TAMM41: variants seen among roughly 807,000 people sequenced by gnomAD.
The protein encoded by TAMM41 is TAM41 mitochondrial translocator assembly and maintenance homolog.
A neutral mutation model predicts 44.1 loss-of-function variants in TAMM41; 36 were observed. The ratio of observed to expected loss-of-function variants is 0.82; its 90% confidence interval spans 0.63 to 1.08. The LOEUF is 1.08. Among genes scored for constraint, TAMM41 ranks in the 50% least tolerant of loss-of-function variants. TAMM41 has a pLI of 0.00. For missense variants in TAMM41, 417 were observed against 404.3 expected, an observed-to-expected ratio of 1.03 and a Z score of -0.27; for synonymous variants, 164 against 153.1, an observed-to-expected ratio of 1.07 and a Z score of -0.53.
At chr3:11,747,483 CA>C in the TAMM41 span, among the ~76,000 whole-genome samples, 10 of 152,218 alleles carry the variant, frequency 6.6e-5, no homozygotes, top group African/African-American at 2.4e-4. Context: ...AATTATACTT[CA>C]AAGATGGGGC....
In TAMM41 at chr3:11,846,689, C is replaced by A. The variant is rs895313297; in HGVS notation, c.-53G>T. 1 of 1,610,746 alleles carries A rather than the reference C, an allele frequency of 6.2e-7. No individual in the cohort carries two copies. The highest frequency in any genetic ancestry group is 8.5e-7 in the Non-Finnish European group (1 of 1,178,304). On this transcript the variant is annotated 5_prime_UTR_variant, in exon 1 of 8. Coordinates refer to ENST00000455809, the MANE Select transcript of TAMM41 (RefSeq NM_001284401.2). ...GCGCAGCAGGGCGAGGACAACCGGG[C>A]GGGGAACAGACACCGGGTAGGCGGT...
intron 4 of TAMM41, among the ~76,000 whole-genome samples, chr3:11,828,695 A>C (rs2078861015): frequency 6.6e-6 from 1 of 152,200 alleles, no homozygotes. Flanking sequence ...GCACCCAGAG[A>C]CCAAGGTTGC....
chr3:11,759,174 T>A, the TAMM41 span, among the ~76,000 whole-genome samples: 1 of 152,108 alleles, frequency 6.6e-6, no homozygotes, highest in Non-Finnish European at 1.5e-5. Flanking sequence ...TTCATCTTTG[T>A]CATTAAAAAA....
At chr3:11,739,057 G>A in the TAMM41 span, among the ~76,000 whole-genome samples, 2 of 152,158 alleles carry the variant, frequency 1.3e-5, no homozygotes, top group African/African-American at 4.8e-5. Flanking sequence ...AACATGACAA[G>A]CCCTTTTGTG....
the TAMM41 span, among the ~76,000 whole-genome samples, chr3:11,782,291 G>A: frequency 6.6e-6 from 1 of 152,036 alleles, no homozygotes; most frequent in Admixed American, 6.6e-5. Context: ...CACACCTGTA[G>A]TCCTAGCACT....
chr3:11,754,946 TGCCTCG>T, the TAMM41 span, among the ~76,000 whole-genome samples: 1 of 151,980 alleles, frequency 6.6e-6, no homozygotes, highest in African/African-American at 2.4e-5. Context: ...GTGATCCACC[TGCCTCG>T]GCCTCCCAAA....
At chr3:11,750,497 A>G in the TAMM41 span, among the ~76,000 whole-genome samples, 3 of 151,840 alleles carry the variant, frequency 2.0e-5, no homozygotes, top group African/African-American at 7.2e-5. Context: ...TTTTGTGGAG[A>G]TAGGGCCTCA....
chr3:11,736,607 C>T, the TAMM41 span, among the ~76,000 whole-genome samples: 2 of 152,178 alleles, frequency 1.3e-5, no homozygotes, highest in South Asian at 2.1e-4. Context: ...GGTCTTTTAT[C>T]GCTGCTCTTG....
chr3:11,810,569 C>T (rs1195706977), intron 5 of TAMM41, among the ~76,000 whole-genome samples: 2 of 152,170 alleles, frequency 1.3e-5, no homozygotes, highest in Non-Finnish European at 2.9e-5. Context: ...AACAGCCCAT[C>T]ACATTATTTC....
chr3:11,837,288 T>G (rs1183017902), intron 3 of TAMM41, among the ~76,000 whole-genome samples: 1 of 152,098 alleles, frequency 6.6e-6, no homozygotes, highest in Non-Finnish European at 1.5e-5. Flanking sequence ...TGGGACCCTC[T>G]CACGCACAGT....
At chr3:11,804,286 T>A (rs959215149) in intron 7 of TAMM41, among the ~76,000 whole-genome samples, 3 of 152,062 alleles carry the variant, frequency 2.0e-5, no homozygotes, top group Admixed American at 1.3e-4. Context: ...AGAGAAAAAT[T>A]CAAACTTAAA....
the TAMM41 span, among the ~76,000 whole-genome samples, chr3:11,757,984 G>C: frequency 6.6e-6 from 1 of 152,322 alleles, no homozygotes; most frequent in South Asian, 2.1e-4. Flanking sequence ...GAGAGTTACA[G>C]AGAGCCATGG....
chr3:11,775,143 G>A, the TAMM41 span, among the ~76,000 whole-genome samples: 1 of 152,292 alleles, frequency 6.6e-6, no homozygotes. Context: ...TGGGATTACA[G>A]GCATGAGCCA....
intron 3 of TAMM41, among the ~76,000 whole-genome samples, chr3:11,833,643 C>A (rs2079068901): frequency 2.0e-5 from 3 of 152,178 alleles, no homozygotes; most frequent in Admixed American, 2.0e-4. Flanking sequence ...ATTCCTTTGG[C>A]ATACACAGAG....
At chr3:11,734,119 C>T in the TAMM41 span, among the ~76,000 whole-genome samples, 1 of 152,184 alleles carries the variant, frequency 6.6e-6, no homozygotes, top group Non-Finnish European at 1.5e-5. Flanking sequence ...GCAGCCACTT[C>T]CCATCACCGG....
chr3:11,723,449 A>G, the TAMM41 span, among the ~76,000 whole-genome samples: 4 of 152,014 alleles, frequency 2.6e-5, no homozygotes, highest in Non-Finnish European at 4.4e-5. Context: ...GCGTGGTGGC[A>G]CATGCCTGTA....
At chr3:11,803,339 G>A (rs768811035) in intron 7 of TAMM41, among the ~76,000 whole-genome samples, 42 of 152,162 alleles carry the variant, frequency 2.8e-4, no homozygotes, top group African/African-American at 9.2e-4. Context: ...AGGTGAGATC[G>A]CGCCACTATA....
intron 6 of TAMM41, chr3:11,809,245 T>C (rs926382903): frequency 4.4e-6 from 2 of 455,330 alleles, no homozygotes; most frequent in Non-Finnish European, 7.7e-6. Context: ...ATTCTAGAAG[T>C]TGTGCTCTAG....
At chr3:11,786,448 G>A (rs2077418638), downstream of TAMM41, among the ~76,000 whole-genome samples, 1 of 151,680 alleles carries the variant, frequency 6.6e-6, no homozygotes, top group African/African-American at 2.4e-5. Flanking sequence ...GGGATTACAG[G>A]CATGAGCCAC....
Sources: allele counts gnomAD v4.1 joint callset (sites outside exome capture counted in the v4.1 genomes callset), GRCh38; gene constraint gnomAD v4.1.1; transcripts MANE v1.5; gene names NCBI Gene and HGNC (gene_info 2026-07-23, HGNC 2026-07-21).